DST: variants seen among roughly 807,000 people sequenced by gnomAD.
DST encodes the protein bullous pemphigoid antigen.
Under a neutral mutation model 875.2 loss-of-function variants are expected in DST, and 253 were observed. That is an observed-to-expected ratio of 0.29 (90% CI 0.26 to 0.32). DST has a LOEUF of 0.32. DST is among the 10% of genes least tolerant of loss of function. The probability of loss-of-function intolerance (pLI) is 1.00; values close to 1 mark genes in which losing one functional copy is unlikely to be tolerated. For synonymous variants in DST, 3,124 were observed against 3,197.1 expected (o/e 0.98, Z 0.77); for missense variants, 8,287 against 9,111.6 (o/e 0.91, Z 3.68).
At chr6:56,783,607 C>G (rs552487199) in intron 4 of DST, among the ~76,000 whole-genome samples, 2 of 152,088 alleles carry the variant, frequency 1.3e-5, no homozygotes, top group Admixed American at 6.6e-5. Flanking sequence ...TTATTTTGAG[C>G]CTATGTGTGT....
At chr6:56,676,106 G>A (rs970253476) in intron 9 of DST, among the ~76,000 whole-genome samples, 5 of 151,978 alleles carry the variant, frequency 3.3e-5, no homozygotes, top group Admixed American at 1.3e-4. Flanking sequence ...TCGCTCTGTC[G>A]CCCAGGCTGG....
chr6:56,816,043 G>A (rs2099766121), intron 4 of DST, among the ~76,000 whole-genome samples: 1 of 152,078 alleles, frequency 6.6e-6, no homozygotes, highest in Non-Finnish European at 1.5e-5. Flanking sequence ...CACTCTCCGT[G>A]AGATTTTAGG....
At chr6:56,850,408 G>A (rs1218929813) in intron 4 of DST, among the ~76,000 whole-genome samples, 6 of 99,030 alleles carry the variant, frequency 6.1e-5, no homozygotes, top group African/African-American at 2.6e-4. Flanking sequence ...AGTATAGGAG[G>A]CAAAAAAAAA....
intron 10 of DST, among the ~76,000 whole-genome samples, chr6:56,664,108 A>C (rs1266829731): frequency 2.6e-5 from 4 of 152,118 alleles, no homozygotes; most frequent in Non-Finnish European, 5.9e-5. Context: ...GTCTTGACAT[A>C]CTTAGTGTCT....
At chr6:56,909,778 C>T (rs1798054787) in intron 2 of DST, among the ~76,000 whole-genome samples, 1 of 152,184 alleles carries the variant, frequency 6.6e-6, no homozygotes, top group African/African-American at 2.4e-5. Flanking sequence ...CATGTGAGTA[C>T]AGTCTGAGAA....
intron 5 of DST, among the ~76,000 whole-genome samples, chr6:56,711,149 A>C (rs1294393480): frequency 6.6e-6 from 1 of 152,130 alleles, no homozygotes; most frequent in African/African-American, 2.4e-5. Flanking sequence ...AAATGCAAAA[A>C]CTGAATGGCC....
At chr6:56,693,285 C>G in intron 9 of DST, 2 of 1,177,720 alleles carry the variant, frequency 1.7e-6, no homozygotes, top group South Asian at 3.4e-5. Flanking sequence ...CCTCTTCAGT[C>G]TGAGGCCATT....
At chr6:56,575,049 A>C (rs1003289646) in intron 50 of DST, among the ~76,000 whole-genome samples, 1 of 152,202 alleles carries the variant, frequency 6.6e-6, no homozygotes, top group Admixed American at 6.6e-5. Context: ...TGATTTAAAG[A>C]GAAAATCATG....
Position 56,471,120 on chromosome 6 carries a change from C to G in DST, c.22307G>C (p.Gly7436Ala), listed in dbSNP as rs757848461. Residue 7436 changes from glycine (G) to alanine (A), a missense_variant, in exon 95 of 104, where the codon GGA becomes GCA. By Grantham distance (60) the Gly-to-Ala change is moderately conservative. This residue lies in a region of DST where 87 missense variants were observed against 209.7 expected (regional missense o/e 0.41). Coordinates refer to ENST00000680361, the MANE Select transcript of DST (RefSeq NM_001374736.1). ...TTGGAACTTACTTGAGGAAAGAATT[C>G]CATCAATAAATTCCTGCCGCGTTAT... ...GKITRQEFID[G>A]ILSSKFPTSR... 3.7e-6 allele frequency: 6 copies of G among 1,611,462 alleles called. 1 individual carries two copies. In the South Asian group the frequency reaches 6.6e-5, roughly 18 times the overall value.
chr6:56,928,142 G>A (rs1808195686), intron 2 of DST, among the ~76,000 whole-genome samples: 1 of 152,204 alleles, frequency 6.6e-6, no homozygotes, highest in East Asian at 1.9e-4. Flanking sequence ...GCGGAGTGAT[G>A]AGGCTGGCTC....
At chr6:56,844,820 C>T (rs1042586930) in intron 4 of DST, among the ~76,000 whole-genome samples, 8 of 149,714 alleles carry the variant, frequency 5.3e-5, no homozygotes, top group African/African-American at 9.9e-5. Flanking sequence ...TGCAGTGAGC[C>T]GAGATCACGC....
intron 3 of DST, among the ~76,000 whole-genome samples, chr6:56,898,129 G>C (rs1592227749): frequency 6.6e-6 from 1 of 152,200 alleles, no homozygotes; most frequent in African/African-American, 2.4e-5. Context: ...ACCCACGTGA[G>C]TCTTACTGCA....
intron 4 of DST, among the ~76,000 whole-genome samples, chr6:56,773,017 A>G (rs79853139): frequency 0.019 from 2,846 of 152,220 alleles, 79 homozygotes; most frequent in African/African-American, 0.064. Flanking sequence ...GCTTCTGGCC[A>G]ACAGCAAGCA....
At chr6:56,625,006 T>C (rs1415568773) in intron 35 of DST, 151 bp downstream of exon 35, 1 of 669,588 alleles carries the variant, frequency 1.5e-6, no homozygotes, top group African/African-American at 1.8e-5. Context: ...AATATTGTGA[T>C]ATACTGCAAT....
chr6:56,480,729 G>C (rs1025063355), intron 90 of DST, among the ~76,000 whole-genome samples: 1 of 152,140 alleles, frequency 6.6e-6, no homozygotes, highest in African/African-American at 2.4e-5. Flanking sequence ...CACTACCCCT[G>C]CTCTGGATAC....
intron 78 of DST, 49 bp downstream of exon 78, chr6:56,503,948 G>T: frequency 5.6e-6 from 7 of 1,255,492 alleles, no homozygotes; most frequent in Non-Finnish European, 7.9e-6. Flanking sequence ...TGTGAATCAA[G>T]GACTTAAAAC....
At chr6:56,615,461 A>G in intron 36 of DST, 2 of 1,611,758 alleles carry the variant, frequency 1.2e-6, no homozygotes, top group Non-Finnish European at 1.7e-6. Flanking sequence ...ATACTCTGAA[A>G]AAGTGGCATG....
intron 49 of DST, among the ~76,000 whole-genome samples, chr6:56,582,279 G>A (rs1447431219): frequency 1.3e-5 from 2 of 152,172 alleles, no homozygotes; most frequent in African/African-American, 4.8e-5. Context: ...AACCTGGTGG[G>A]AGATGATTTC....
chr6:56,474,959 T>TAAAA (rs2095099199), intron 92 of DST, among the ~76,000 whole-genome samples: 1 of 27,540 alleles, frequency 3.6e-5, no homozygotes, highest in African/African-American at 1.6e-4. Flanking sequence ...ACCCTGCCTC[T>TAAAA]CAAAAAAAAA....
Sources: gnomAD v4.1 joint callset for allele counts (sites outside exome capture counted in the v4.1 genomes callset) on GRCh38, gnomAD v4.1.1 for gene constraint, gnomAD v4.1.1 regional missense constraint, MANE v1.5 for transcripts, NCBI Gene and HGNC (gene_info 2026-07-23, HGNC 2026-07-21) for gene names.